The following CLCN7 variants were observed in gnomAD, a reference collection of about 807,000 sequenced individuals.
CLCN7 encodes the protein Cl-/H+ antiporter 7, also known as H(+)/Cl(-) exchange transporter 7.
CLCN7 carries 60 observed loss-of-function variants against 102.1 expected under a neutral mutation model. That is an observed-to-expected ratio of 0.59 (90% CI 0.48 to 0.73). CLCN7 has a LOEUF of 0.73. Among genes scored for constraint, CLCN7 ranks in the 30% least tolerant of loss-of-function variants. The pLI, the probability that CLCN7 is intolerant of heterozygous loss-of-function variation, is 0.00. For missense variants in CLCN7, 962 were observed against 1,125.7 expected (o/e 0.85, Z 2.08); for synonymous variants, 560 against 490.5 (o/e 1.14, Z -1.87).
chr16:1,454,060 G>A (rs1275140568), intron 13 of CLCN7, among the ~76,000 whole-genome samples, 166 bp from the exon 14 acceptor site: 1 of 152,244 alleles, frequency 6.6e-6, no homozygotes, highest in East Asian at 1.9e-4. Flanking sequence ...CACACCCTGA[G>A]GGCTGGGGGA....
At chr16:1,453,363 T>C (rs1030886159) in intron 14 of CLCN7, among the ~76,000 whole-genome samples, 1 of 152,202 alleles carries the variant, frequency 6.6e-6, no homozygotes, top group African/African-American at 2.4e-5. Flanking sequence ...GGGGTCGTCC[T>C]CTTCCCTGGG....
At chr16:1,451,826 C>T in intron 15 of CLCN7, 110 bp from the exon 16 acceptor site, 1 of 882,684 alleles carries the variant, frequency 1.1e-6, no homozygotes, top group Admixed American at 2.0e-5. Flanking sequence ...TGGCCAGCAT[C>T]AGGCGCGAAA....
intron 10 of CLCN7, 67 bp downstream of exon 10, chr16:1,456,046 G>A (rs1280748124): frequency 1.5e-6 from 2 of 1,336,382 alleles, no homozygotes; most frequent in African/African-American, 1.4e-5. Flanking sequence ...GGCCTACAGA[G>A]AGGAGACCGT....
intron 14 of CLCN7, among the ~76,000 whole-genome samples, chr16:1,453,622 C>T (rs1210030363): frequency 6.6e-6 from 1 of 152,230 alleles, no homozygotes; most frequent in African/African-American, 2.4e-5. Context: ...GGAGCCCTCG[C>T]ACTCCTAGCC....
chr16:1,455,026 C>G, intron 12 of CLCN7, 108 bp downstream of exon 12: 1 of 772,748 alleles, frequency 1.3e-6, no homozygotes, highest in Non-Finnish European at 2.4e-6. Flanking sequence ...AGCTCCACAG[C>G]TATCAACCAG....
chr16:1,449,234 C>A (rs367712971), intron 18 of CLCN7, 42 bp downstream of exon 18: 4 of 1,568,972 alleles, frequency 2.5e-6, no homozygotes, highest in Non-Finnish European at 3.5e-6. Context: ...CCCTCCAGAC[C>A]CCGTGGAGCT....
In CLCN7 at chr16:1,448,285, C is replaced by T. The variant is rs544675334; in HGVS notation, c.2013+70G>A. 3.8e-6 allele frequency: 6 copies of T among 1,593,314 alleles called. No individual in the cohort carries two copies. The Admixed American group carries it at 5.0e-5, about 13-fold the overall frequency. On this transcript the variant is annotated intron_variant, in intron 21 of 24. Transcript: ENST00000382745. ...AGCTTCCCCATCCTGCAAACCTTGC[C>T]GTGTGCTTCCCACCAATGGACTCGA...
chr16:1,470,929 C>T lies in CLCN7; in HGVS notation c.141+3905G>A, dbSNP rs566655919. On this transcript the variant is annotated intron_variant, in intron 1 of 24. Coordinates refer to ENST00000382745, the MANE Select transcript of CLCN7 (RefSeq NM_001287.6). Reference sequence around the variant, plus strand: ...GCAAATACCCACCTCCCCTCACTGCCCCCTGAGACCCAAGTGTTTCTGGCT... The same window carrying T: ...GCAAATACCCACCTCCCCTCACTGCTCCCTGAGACCCAAGTGTTTCTGGCT... Among the ~76,000 whole-genome samples, 3 of 152,304 alleles carry T rather than the reference C, an allele frequency of 2.0e-5. No homozygotes were observed. The South Asian group carries it at 6.2e-4, about 32-fold the overall frequency.
intron 1 of CLCN7, chr16:1,474,008 C>T (rs1373382994): frequency 2.6e-6 from 1 of 387,850 alleles, no homozygotes; most frequent in South Asian, 1.9e-5. Context: ...CACTTAAACT[C>T]GGGAGGTGGG....
intron 1 of CLCN7, chr16:1,474,021 T>C: frequency 5.0e-6 from 2 of 400,038 alleles, no homozygotes; most frequent in Non-Finnish European, 1.0e-5. Flanking sequence ...GAGGTGGGGG[T>C]TGCAGTGAGC....
chr16:1,450,931 C>T (rs979739187), intron 16 of CLCN7, among the ~76,000 whole-genome samples: 5 of 152,302 alleles, frequency 3.3e-5, no homozygotes, highest in Admixed American at 1.3e-4. Context: ...TCCAGCGGGG[C>T]GGCCCAGCTG....
intron 16 of CLCN7, among the ~76,000 whole-genome samples, chr16:1,451,214 CTTTT>C (rs1163096908): frequency 6.6e-6 from 1 of 152,176 alleles, no homozygotes; most frequent in Non-Finnish European, 1.5e-5. Context: ...GCTGGGTTTT[CTTTT>C]GTTTTTTGAG....
Position 1,474,986 on chromosome 16 carries a change from G to C in CLCN7, c.-12C>G, listed in dbSNP as rs1169716073. 6.8e-7 allele frequency: 1 copy of C among 1,471,832 alleles called. No homozygotes were observed. The highest frequency in any genetic ancestry group is 1.3e-5 in the South Asian group (1 of 77,252). 91.2% of individuals were successfully genotyped at this position (1,471,832 alleles called of 1,614,324 possible). ...GAGACGTTGGCCATGGCCCGCCGCG[G>C]AGCGACACCGGCCGGGAAGCGCCGG... On this transcript the variant is annotated 5_prime_UTR_variant, in exon 1 of 25. Coordinates refer to ENST00000382745, the MANE Select transcript of CLCN7 (RefSeq NM_001287.6).
intron 2 of CLCN7, among the ~76,000 whole-genome samples, chr16:1,464,651 A>G (rs2744996): frequency 0.61 from 92,256 of 152,152 alleles, 28,751 homozygotes; most frequent in African/African-American, 0.72. Context: ...GGGCAGAGCC[A>G]GGTGGGGCCT....
At chr16:1,454,573 C>A (rs141796484) in intron 12 of CLCN7, 108 bp from the exon 13 acceptor site, 2 of 1,036,078 alleles carry the variant, frequency 1.9e-6, no homozygotes, top group East Asian at 4.8e-5. Context: ...CCACAGAGAG[C>A]CTTCCCGCCC....
intron 1 of CLCN7, among the ~76,000 whole-genome samples, chr16:1,472,377 C>T (rs1047824352): frequency 2.0e-5 from 3 of 152,000 alleles, no homozygotes; most frequent in Non-Finnish European, 4.4e-5. Flanking sequence ...ATTACAGGCG[C>T]TCACCACTAT....
chr16:1,455,546 G>C (rs1378871565), intron 11 of CLCN7, 185 bp downstream of exon 11: 2 of 738,910 alleles, frequency 2.7e-6, no homozygotes, highest in Non-Finnish European at 4.7e-6. Context: ...ATGGTGCCCA[G>C]GACCAAGGGC....
rs1052253871 is a variant in CLCN7 at position 1,465,116 on chromosome 16, G to A, written c.213+151C>T. ...GCCCAGCTGCCTCTGCTCACTTGGC[G>A]TCAGGGACCATGTCCCCCCAAGGAA... On this transcript the variant is annotated intron_variant, in intron 2 of 24. Transcript: ENST00000382745. 58 of 730,808 alleles carry A rather than the reference G, an allele frequency of 7.9e-5. 3 individuals carry two copies. The South Asian group carries it at 7.9e-4, about 10-fold the overall frequency. 45.3% of individuals were successfully genotyped at this position (730,808 alleles called of 1,614,324 possible).
At chr16:1,474,350 C>T (rs968598242) in intron 1 of CLCN7, 12 of 362,272 alleles carry the variant, frequency 3.3e-5, no homozygotes, top group Non-Finnish European at 6.6e-5. Flanking sequence ...GATAAAGGCG[C>T]TCAGTCATTC....
Sources: gnomAD v4.1 joint callset for allele counts (sites outside exome capture counted in the v4.1 genomes callset) on GRCh38, gnomAD v4.1.1 for gene constraint, MANE v1.5 for transcripts, NCBI Gene and HGNC (gene_info 2026-07-23, HGNC 2026-07-21) for gene names.